ACCS: variants seen among roughly 807,000 people sequenced by gnomAD.
ACCS encodes 1-aminocyclopropane-1-carboxylate synthase-like protein 1.
Under a neutral mutation model 59.8 loss-of-function variants are expected in ACCS, and 42 were observed. The observed-to-expected ratio is 0.70, with a 90% confidence interval of 0.55 to 0.91. The LOEUF (loss-of-function observed/expected upper bound fraction) is 0.91, where lower values mean the gene tolerates loss of function less well. ACCS is among the 40% of genes least tolerant of loss of function. The pLI, the probability that ACCS is intolerant of heterozygous loss-of-function variation, is 0.00. For missense variants in ACCS, 602 were observed against 630.4 expected (o/e 0.95, Z 0.48); for synonymous variants, 230 against 240.3 (o/e 0.96, Z 0.40).
chr11:44,075,726 A>G, intron 6 of ACCS, 134 bp downstream of exon 6: 2 of 1,106,952 alleles, frequency 1.8e-6, no homozygotes, highest in Non-Finnish European at 1.3e-6. Context: ...GGGGGCTTGA[A>G]TAAGTGGCTT....
chr11:44,078,865 T>G, intron 9 of ACCS, 81 bp downstream of exon 9: 1 of 1,200,030 alleles, frequency 8.3e-7, no homozygotes, highest in Non-Finnish European at 1.2e-6. Flanking sequence ...GTTTTTCTAC[T>G]CTCTTGACCC....
intron 2 of ACCS, among the ~76,000 whole-genome samples, chr11:44,069,304 C>G (rs2134813957): frequency 6.6e-6 from 1 of 152,150 alleles, no homozygotes; most frequent in African/African-American, 2.4e-5. Flanking sequence ...ACTGCAACCT[C>G]TGCCTCCCGG....
chr11:44,076,617 C>A (rs1271956213), intron 6 of ACCS, among the ~76,000 whole-genome samples: 1 of 152,204 alleles, frequency 6.6e-6, no homozygotes, highest in African/African-American at 2.4e-5. Context: ...ATAAATAGTA[C>A]CTCCTTCGGA....
Position 44,084,060 on chromosome 11 carries a change from T to A in ACCS, c.*268T>A. On this transcript the variant is annotated 3_prime_UTR_variant, in exon 15 of 15. Transcript: ENST00000263776. Reference sequence around the variant, plus strand: ...TGAGTTATTTAGAATGGAGGAGTCGTGACTGCTTCTAACCAGAGCCTCAGC... The same window carrying A: ...TGAGTTATTTAGAATGGAGGAGTCGAGACTGCTTCTAACCAGAGCCTCAGC... 1.8e-6 allele frequency: 1 copy of A among 546,808 alleles called. No homozygotes were observed. Among genetic ancestry groups the A allele is most frequent in the East Asian group, 4.1e-5 (1 of 24,248 alleles). 33.9% of individuals were successfully genotyped at this position (546,808 alleles called of 1,614,324 possible).
intron 3 of ACCS, 153 bp from the exon 4 acceptor site, chr11:44,073,294 C>T (rs1953149264): frequency 2.8e-6 from 2 of 710,880 alleles, no homozygotes; most frequent in Non-Finnish European, 5.0e-6. Context: ...TCAGTTTCCT[C>T]ACCTGCAACA....
At chr11:44,082,825 T>A (rs1209383542) in intron 12 of ACCS, among the ~76,000 whole-genome samples, 1 of 152,122 alleles carries the variant, frequency 6.6e-6, no homozygotes, top group Non-Finnish European at 1.5e-5. Flanking sequence ...CACACTGGGA[T>A]CTGAACCTTG....
At chr11:44,082,415 A>G (rs1357360951) in intron 12 of ACCS, among the ~76,000 whole-genome samples, 1 of 152,186 alleles carries the variant, frequency 6.6e-6, no homozygotes, top group African/African-American at 2.4e-5. Flanking sequence ...TGCACAAACC[A>G]TGGCCCATCC....
rs574220998 is a variant in ACCS, at chr11:44,072,965, G to C, written c.349-482G>C. Among the ~76,000 whole-genome samples, 10 of 152,334 alleles carry C rather than the reference G, an allele frequency of 6.6e-5. No homozygotes were observed. The South Asian group carries it at 2.1e-3, about 32-fold the overall frequency. ...AGTTTCTAACCTAGCACTGGTCATG[G>C]AATGGGTGGTCTAGAAACTGCTACT... On this transcript the variant is annotated intron_variant, in intron 3 of 14. Coordinates refer to ENST00000263776, the MANE Select transcript of ACCS (RefSeq NM_032592.4).
chr11:44,079,438 C>T (rs1009484329), intron 9 of ACCS, 93 bp from the exon 10 acceptor site: 18 of 1,017,914 alleles, frequency 1.8e-5, no homozygotes, highest in Non-Finnish European at 2.5e-5. Context: ...AGACCCCGGC[C>T]CCTCTGGATT....
intron 3 of ACCS, 174 bp from the exon 4 acceptor site, chr11:44,073,273 T>C: frequency 3.0e-6 from 2 of 665,780 alleles, no homozygotes; most frequent in Non-Finnish European, 5.4e-6. Flanking sequence ...GTGACCTCAC[T>C]TTTTTGGACC....
intron 8 of ACCS, chr11:44,078,189 ATC>A: frequency 2.1e-6 from 1 of 471,406 alleles, no homozygotes; most frequent in Admixed American, 3.9e-5. Context: ...TCCCTGATCC[ATC>A]TGATTATGAT....
chr11:44,077,687 G>A, intron 7 of ACCS, 158 bp from the exon 8 acceptor site: 2 of 1,454,148 alleles, frequency 1.4e-6, no homozygotes, highest in Non-Finnish European at 1.8e-6. Flanking sequence ...TGGGTTGGGG[G>A]TGGATGGCAG....
At chr11:44,068,491 G>A (rs1952895328) in intron 2 of ACCS, among the ~76,000 whole-genome samples, 1 of 152,188 alleles carries the variant, frequency 6.6e-6, no homozygotes, top group African/African-American at 2.4e-5. Context: ...TGTGGTCCCA[G>A]CTACTGGGGA....
Position 44,077,865 on chromosome 11 carries a change from C to T in ACCS, c.675C>T (p.Arg225=), listed in dbSNP as rs754359923. The T allele has an allele frequency of 3.1e-6, 5 of 1,613,948 alleles. No individual in the cohort carries two copies. The Admixed American group carries it at 5.0e-5, about 16-fold the overall frequency. ...LDSEVTGLDT[R]PFQLTVEKLE... Reference sequence around the variant, plus strand: ...TCCAGGTCACTGGGCTAGACACACGCCCCTTCCAGCTCACAGTGGAGAAGC... The same window carrying T: ...TCCAGGTCACTGGGCTAGACACACGTCCCTTCCAGCTCACAGTGGAGAAGC... The change falls in exon 8 of 15, where the codon CGC becomes CGT. Residue 225 remains arginine, a synonymous_variant. Transcript: ENST00000263776.
intron 4 of ACCS, among the ~76,000 whole-genome samples, chr11:44,074,404 A>AGGTGG (rs1953209188): frequency 1.3e-5 from 2 of 152,016 alleles, no homozygotes; most frequent in South Asian, 4.2e-4. Context: ...TCTCCTGATT[A>AGGTGG]GGTGGGGTGG....
chr11:44,083,019 C>T (rs899038657), intron 12 of ACCS, 150 bp from the exon 13 acceptor site: 8 of 1,055,688 alleles, frequency 7.6e-6, no homozygotes, highest in East Asian at 2.4e-5. Context: ...ACCTCCCCTT[C>T]GTAATCCTTC....
In ACCS at chr11:44,067,903, C is replaced by A. The variant is rs773353064; in HGVS notation, c.276C>A (p.Asp92Glu). ...ACCACATGGATGAGTATGATGAGGACAAGAACCCCAGTGTGAGTGAAGCTC... is the reference window on the plus strand; with the variant it reads ...ACCACATGGATGAGTATGATGAGGAAAAGAACCCCAGTGTGAGTGAAGCTC... ...RTYHMDEYDE[D>E]KNPSGIINLG... The change falls in exon 2 of 15, where the codon GAC (aspartate) becomes GAA (glutamate). Residue 92 changes from aspartate (D) to glutamate (E), a missense_variant. Asp to Glu is a conservative substitution (Grantham distance 45). Coordinates refer to ENST00000263776, the MANE Select transcript of ACCS (RefSeq NM_032592.4). 3 of 1,603,570 alleles carry A rather than the reference C, an allele frequency of 1.9e-6. No homozygotes were observed. The highest frequency in any genetic ancestry group is 3.4e-5 in the Admixed American group (2 of 59,070).
chr11:44,083,993 C>T lies in ACCS; in HGVS notation c.*201C>T. ...GTGGTTCAGCCTGGGCCCTCCCTCTCTCCTATTAAACAAAACTAGGAGAGT... is the reference window on the plus strand; with the variant it reads ...GTGGTTCAGCCTGGGCCCTCCCTCTTTCCTATTAAACAAAACTAGGAGAGT... On this transcript the variant is annotated 3_prime_UTR_variant, in exon 15 of 15. Transcript: ENST00000263776. The T allele has an allele frequency of 8.4e-7, 1 of 1,195,388 alleles. No individual in the cohort carries two copies. Among genetic ancestry groups the T allele is most frequent in the Non-Finnish European group, 1.1e-6 (1 of 885,966 alleles). The allele number at this position is 1,195,388 out of a possible 1,614,324, so 74.0% of individuals were successfully genotyped here.
intron 2 of ACCS, 119 bp downstream of exon 2, chr11:44,068,034 A>G (rs1952873444): frequency 8.7e-7 from 1 of 1,148,818 alleles, no homozygotes; most frequent in Non-Finnish European, 1.2e-6. Context: ...TGGTACTCTG[A>G]CCTCCAAGAG....
Sources: allele counts gnomAD v4.1 joint callset (sites outside exome capture counted in the v4.1 genomes callset), GRCh38; gene constraint gnomAD v4.1.1; transcripts MANE v1.5; gene names NCBI Gene and HGNC (gene_info 2026-07-23, HGNC 2026-07-21).